PCDHGB2: variants seen among roughly 807,000 people sequenced by gnomAD.
PCDHGB2 encodes protocadherin gamma subfamily B, 2, also known as protocadherin gamma-B2.
Under a neutral mutation model 59.3 loss-of-function variants are expected in PCDHGB2, and 55 were observed. The ratio of observed to expected loss-of-function variants is 0.93; its 90% CI spans 0.75 to 1.16. PCDHGB2 has a LOEUF of 1.16. PCDHGB2 is among the 50% of genes most tolerant of loss of function. PCDHGB2 has a pLI of 0.00. For synonymous variants in PCDHGB2, 516 were observed against 512.0 expected (o/e 1.01, Z -0.11); for missense variants, 1,228 against 1,198.5 (o/e 1.02, Z -0.36).
intron 1 of PCDHGB2, chr5:141,415,069 A>G (rs1323441877): frequency 1.1e-5 from 18 of 1,613,420 alleles, no homozygotes; most frequent in Non-Finnish European, 1.5e-5. Flanking sequence ...CGAGGTGCGC[A>G]CGGCGCGAGC....
Position 141,477,100 on chromosome 5 carries a change from C to T in PCDHGB2, c.2422-17707C>T, listed in dbSNP as rs970613825. Reference sequence around the variant, plus strand: ...TTTACATCCAGGCCAAAGACAAGGGCGCCAATCCCGAAGGAGCACATTGCA... The same window carrying T: ...TTTACATCCAGGCCAAAGACAAGGGTGCCAATCCCGAAGGAGCACATTGCA... On this transcript the variant is annotated intron_variant, in intron 1 of 3. Transcript: ENST00000522605. The surrounding 1 kb of genome is among the most constrained non-coding windows in gnomAD (Gnocchi z 4.9). 1 of 1,614,098 alleles carries T rather than the reference C, an allele frequency of 6.2e-7. No homozygotes were observed. Among genetic ancestry groups the T allele is most frequent in the African/African-American group, 1.3e-5 (1 of 74,932 alleles).
In PCDHGB2 at chr5:141,490,499, A is replaced by G. The variant is rs1269710790; in HGVS notation, c.2422-4308A>G. On this transcript the variant is annotated intron_variant, in intron 1 of 3. Coordinates refer to ENST00000522605, the MANE Select transcript of PCDHGB2 (RefSeq NM_018923.3). The surrounding 1 kb of genome is among the most constrained non-coding windows in gnomAD (Gnocchi z 5.4). ...TTGGACCGGGAGGCCACATCCCACT[A>G]TATCATCGAGCTGCTGGCCAGCGAT... 1.2e-6 allele frequency: 2 copies of G among 1,614,148 alleles called. No homozygotes were observed. Among genetic ancestry groups the G allele is most frequent in the Non-Finnish European group, 8.5e-7 (1 of 1,180,020 alleles).
chr5:141,365,782 C>T (rs369080489), intron 1 of PCDHGB2: 274 of 1,613,792 alleles, frequency 1.7e-4, no homozygotes, highest in Non-Finnish European at 2.2e-4. Context: ...GCGGCGACAA[C>T]GCTCGAGTCA....
chr5:141,450,006 C>CTATTTTT lies in PCDHGB2; in HGVS notation c.2422-44800_2422-44799insATTTTTT, dbSNP rs70988802. On this transcript the variant is annotated intron_variant, in intron 1 of 3. Coordinates refer to ENST00000522605, the MANE Select transcript of PCDHGB2 (RefSeq NM_018923.3). ...CACATTGCATTTAGTTGCCATGTCTCTTTTTTTTTTTTTTTTTTGAGACAG... is the reference window on the plus strand; with the variant it reads ...CACATTGCATTTAGTTGCCATGTCTCTATTTTTTTTTTTTTTTTTTTTTTTGAGACAG... Among the ~76,000 whole-genome samples, 248 of 132,920 alleles carry CTATTTTT rather than the reference C, an allele frequency of 1.9e-3. 8 individuals carry two copies. Among genetic ancestry groups the CTATTTTT allele is most frequent in the African/African-American group, 4.3e-3 (154 of 35,586 alleles). 87.2% of individuals were successfully genotyped at this position (132,920 alleles called of 152,430 possible). A position where few individuals can be genotyped will look rare whatever the true frequency, so the allele number is the denominator to read the frequency against.
At chr5:141,393,589 C>T (rs1050679940) in intron 1 of PCDHGB2, 2 of 1,613,920 alleles carry the variant, frequency 1.2e-6, no homozygotes, top group Non-Finnish European at 1.7e-6. Flanking sequence ...CCCCCAGGCA[C>T]GCGGCTGCTT....
chr5:141,432,237 A>T lies in PCDHGB2; in HGVS notation c.2422-62570A>T. ...GCCCAGATCACTTATTCCCTGGCTG[A>T]GAACACCATCCAAGGGGCAAGCCTA... On this transcript the variant is annotated intron_variant, in intron 1 of 3. Transcript: ENST00000522605. The surrounding 1 kb of genome is among the most constrained non-coding windows in gnomAD (Gnocchi z 6.0). The T allele has an allele frequency of 2.5e-6, 4 of 1,614,224 alleles. No individual in the cohort carries two copies. Among genetic ancestry groups the T allele is most frequent in the Non-Finnish European group, 3.4e-6 (4 of 1,180,032 alleles).
At chr5:141,427,617 G>A (rs1295636754) in intron 1 of PCDHGB2, 3 of 694,694 alleles carry the variant, frequency 4.3e-6, no homozygotes, top group Admixed American at 2.0e-5. Flanking sequence ...TGAAGTCAAC[G>A]ACAATGCTCC....
chr5:141,395,086 C>A, intron 1 of PCDHGB2: 1 of 1,614,166 alleles, frequency 6.2e-7, no homozygotes, highest in Non-Finnish European at 8.5e-7. Context: ...CAGGAAGTCT[C>A]CCTCACCGCC....
Position 141,491,188 on chromosome 5 carries a change from G to A in PCDHGB2, c.2422-3619G>A. On this transcript the variant is annotated intron_variant, in intron 1 of 3. Transcript: ENST00000522605. This position sits in a 1 kb window ranked among gnomAD's most constrained non-coding sequence, Gnocchi z 6.9. Reference sequence around the variant, plus strand: ...CCAGCAGGTGGTGGTCCTGGTGAGGGACAATGGTGACCCTTCACTCTCCTC... The same window carrying A: ...CCAGCAGGTGGTGGTCCTGGTGAGGAACAATGGTGACCCTTCACTCTCCTC... The A allele has an allele frequency of 6.2e-7, 1 of 1,614,198 alleles. No individual in the cohort carries two copies. The highest frequency in any genetic ancestry group is 1.1e-5 in the South Asian group (1 of 91,086).
At position 141,476,193 on chromosome 5, in the gene PCDHGB2, T is replaced by C. The variant is rs1224461188; in HGVS notation, c.2422-18614T>C. On this transcript the variant is annotated intron_variant, in intron 1 of 3. Coordinates refer to ENST00000522605, the MANE Select transcript of PCDHGB2 (RefSeq NM_018923.3). The surrounding 1 kb of genome is among the most constrained non-coding windows in gnomAD (Gnocchi z 7.6). The stretch of plus-strand genomic sequence containing the variant: ...GGAGTTTTGCTTCTGCTTGGTGCCT[T>C]GAACAAGGCTTCCACGGTCATTCAC... The C allele has an allele frequency of 6.2e-7, 1 of 1,613,812 alleles. No homozygotes were observed. Among genetic ancestry groups the C allele is most frequent in the South Asian group, 1.1e-5 (1 of 91,068 alleles).
At chr5:141,438,997 C>T (rs2098080665) in intron 1 of PCDHGB2, among the ~76,000 whole-genome samples, 1 of 151,716 alleles carries the variant, frequency 6.6e-6, no homozygotes, top group Admixed American at 6.6e-5. Flanking sequence ...AGGCTAAGGA[C>T]CTGGTTTGTT....
In PCDHGB2 at chr5:141,428,081, C is replaced by A. The variant is rs768842388; in HGVS notation, c.2421+65525C>A. 14 of 1,609,100 alleles carry A rather than the reference C, an allele frequency of 8.7e-6. No individual in the cohort carries two copies. In the African/African-American group the frequency reaches 1.1e-4, roughly 12 times the overall value. ...CGGTGGACGCAGATTCGGGACACAA[C>A]GCTTGGCTGTCCTACCACGTGCTGC... is the stretch of plus-strand genomic sequence containing the variant. On this transcript the variant is annotated intron_variant, in intron 1 of 3. Transcript: ENST00000522605.
intron 2 of PCDHGB2, among the ~76,000 whole-genome samples, chr5:141,495,690 G>A (rs1261694815): frequency 1.3e-5 from 2 of 152,172 alleles, no homozygotes; most frequent in East Asian, 3.9e-4. Context: ...TGGCATAAGT[G>A]CTCAATAAAT....
chr5:141,391,797 A>G (rs1283933191), intron 1 of PCDHGB2: 1 of 152,180 alleles, frequency 6.6e-6, no homozygotes, highest in African/African-American at 2.4e-5. Context: ...AGTTTTTTAG[A>G]TCAAAGTGTT....
In PCDHGB2 at chr5:141,438,621, TATATATATATATATACACAC is replaced by T. The variant is rs1185208192; in HGVS notation, c.2422-56184_2422-56165del. Among the ~76,000 whole-genome samples, 212 of 41,372 alleles carry T rather than the reference TATATATATATATATACACAC, an allele frequency of 5.1e-3. 1 individual carries two copies. The highest frequency in any genetic ancestry group is 0.03 in the African/African-American group (177 of 5,808). 27.1% of individuals were successfully genotyped at this position (41,372 alleles called of 152,430 possible). On this transcript the variant is annotated intron_variant, in intron 1 of 3. Transcript: ENST00000522605. ...ATATATATATATATATATATATATA[TATATATATATATATACACAC>T]ACACACACACATATATGTATATATA...
At chr5:141,504,570 AC>A (rs1468526948) in intron 2 of PCDHGB2, among the ~76,000 whole-genome samples, 1 of 148,874 alleles carries the variant, frequency 6.7e-6, no homozygotes, top group Admixed American at 6.9e-5. Flanking sequence ...ATTCTAGGGA[AC>A]ACCATCTGCC....
Position 141,487,193 on chromosome 5 carries a change from C to T in PCDHGB2, c.2422-7614C>T. 6.2e-7 allele frequency: 1 copy of T among 1,613,784 alleles called. No individual in the cohort carries two copies. Among genetic ancestry groups the T allele is most frequent in the Non-Finnish European group, 8.5e-7 (1 of 1,179,724 alleles). On this transcript the variant is annotated intron_variant, in intron 1 of 3. Transcript: ENST00000522605. The surrounding 1 kb of genome is among the most constrained non-coding windows in gnomAD (Gnocchi z 5.0). ...AGAGGAAGACACTCATCCAGTTGTC[C>T]CAGATCTTCGAGAATCTTCAGCTCC...
In PCDHGB2 at chr5:141,361,668, C is replaced by A; in HGVS notation, c.1533C>A (p.Ser511Arg). The A allele has an allele frequency of 1.2e-6, 2 of 1,613,670 alleles. No homozygotes were observed. The highest frequency in any genetic ancestry group is 1.7e-6 in the Non-Finnish European group (2 of 1,179,904). ...ILSYVSVSAQ[S>R]GVVFAQRAFD... ...CCTACGTGTCCGTGAGCGCGCAGAGCGGGGTGGTGTTCGCGCAGCGCGCCT... is the reference window on the plus strand; with the variant it reads ...CCTACGTGTCCGTGAGCGCGCAGAGAGGGGTGGTGTTCGCGCAGCGCGCCT... Residue 511 changes from serine to arginine, a missense_variant, in exon 1 of 4, where the codon AGC becomes AGA. This residue lies in a region of PCDHGB2 where 781 missense variants were observed against 721.6 expected (regional missense o/e 1.08). Coordinates refer to ENST00000522605, the MANE Select transcript of PCDHGB2 (RefSeq NM_018923.3).
rs2097438776 is a variant in PCDHGB2 at position 141,432,018 on chromosome 5, T to C, written c.2422-62789T>C. Reference sequence around the variant, plus strand: ...AGGGAACAGGTTCCTAGCTACAACATCACAGTGACCGCCACTGACCGGGGA... The same window carrying C: ...AGGGAACAGGTTCCTAGCTACAACACCACAGTGACCGCCACTGACCGGGGA... On this transcript the variant is annotated intron_variant, in intron 1 of 3. Transcript: ENST00000522605. This position sits in a 1 kb window ranked among gnomAD's most constrained non-coding sequence, Gnocchi z 6.0. 1.9e-6 allele frequency: 3 copies of C among 1,614,048 alleles called. No homozygotes were observed. In the South Asian group the frequency reaches 3.3e-5, roughly 18 times the overall value.
Sources: gnomAD v4.1 joint callset for allele counts (sites outside exome capture counted in the v4.1 genomes callset) on GRCh38, gnomAD v4.1.1 for gene constraint, gnomAD v4.1.1 regional missense constraint, Gnocchi (gnomAD v3.1) non-coding constraint, MANE v1.5 for transcripts, NCBI Gene and HGNC (gene_info 2026-07-23, HGNC 2026-07-21) for gene names.